The following ADCY2 variants were observed in gnomAD, a reference collection of about 807,000 sequenced individuals.
The protein encoded by ADCY2 is adenylate cyclase 2.
Under a neutral mutation model 125.2 loss-of-function variants are expected in ADCY2, and 31 were observed. The ratio of observed to expected loss-of-function variants is 0.25; its 90% confidence interval spans 0.19 to 0.33. The LOEUF is 0.33. ADCY2 is among the 10% of genes least tolerant of loss of function. The probability of loss-of-function intolerance (pLI) is 1.00; values close to 1 mark genes in which losing one functional copy is unlikely to be tolerated. For missense variants in ADCY2, 904 were observed against 1,418.2 expected, an observed-to-expected ratio of 0.64 and a Z score of 5.82; for synonymous variants, 512 against 548.4, an observed-to-expected ratio of 0.93 and a Z score of 0.93.
At chr5:7,716,450 G>A (rs528296614) in intron 11 of ADCY2, among the ~76,000 whole-genome samples, 140 of 152,250 alleles carry the variant, frequency 9.2e-4, no homozygotes, top group Non-Finnish European at 1.6e-3. Context: ...ACATCTCCTA[G>A]GAGAGAAAGT....
At chr5:7,483,081 A>G (rs1435324574) in intron 2 of ADCY2, among the ~76,000 whole-genome samples, 1 of 152,084 alleles carries the variant, frequency 6.6e-6, no homozygotes, top group Admixed American at 6.6e-5. Context: ...GATACAAGGA[A>G]TAAGCTCTAG....
intron 7 of ADCY2, among the ~76,000 whole-genome samples, chr5:7,702,375 C>A (rs1033070170): frequency 5.9e-5 from 9 of 152,016 alleles, no homozygotes; most frequent in Non-Finnish European, 1.2e-4. Context: ...GTATCCCTCC[C>A]CGCTCCTCCC....
chr5:7,796,286 C>T (rs921213928), intron 20 of ADCY2: 6 of 152,174 alleles, frequency 3.9e-5, no homozygotes, highest in Admixed American at 3.9e-4. Context: ...CCATTCCTCT[C>T]TGTGGCACAA....
chr5:7,511,940 GC>G (rs764863794), intron 2 of ADCY2, among the ~76,000 whole-genome samples: 4 of 151,928 alleles, frequency 2.6e-5, no homozygotes, highest in Non-Finnish European at 4.4e-5. Flanking sequence ...CATTGGAGGG[GC>G]CAGACGCTGT....
intron 2 of ADCY2, among the ~76,000 whole-genome samples, chr5:7,428,967 G>T (rs1436006155): frequency 1.3e-5 from 2 of 152,076 alleles, no homozygotes; most frequent in African/African-American, 4.8e-5. Flanking sequence ...AGACAAAGGT[G>T]CTGAAATTCT....
chr5:7,539,692 A>G (rs1018704346), intron 3 of ADCY2, among the ~76,000 whole-genome samples: 4 of 152,222 alleles, frequency 2.6e-5, no homozygotes, highest in Non-Finnish European at 4.4e-5. Context: ...AGAGTCAGAA[A>G]GGAGACATTT....
At chr5:7,603,104 G>T (rs781765842) in intron 3 of ADCY2, among the ~76,000 whole-genome samples, 1 of 152,098 alleles carries the variant, frequency 6.6e-6, no homozygotes, top group Non-Finnish European at 1.5e-5. Context: ...AGTGTCCCAC[G>T]AACAGTATCT....
Position 7,727,167 on chromosome 5 carries a change from C to G in ADCY2, c.1777C>G (p.Arg593Gly). Reference sequence around the variant, plus strand: ...CAGGTTCCTTTCTCCCCCTCAGTACCGGGCCACGGCACTGCCAGCGTTCAA... The same window carrying G: ...CAGGTTCCTTTCTCCCCCTCAGTACGGGGCCACGGCACTGCCAGCGTTCAA... ...FYNKVLEKEY[R>G]ATALPAFKYY... The change falls in exon 14 of 25, where the codon CGG (arginine) becomes GGG (glycine). Residue 593 changes from arginine to glycine, a missense_variant. Transcript: ENST00000338316. The G allele has an allele frequency of 6.2e-7, 1 of 1,613,272 alleles. No individual in the cohort carries two copies. Among genetic ancestry groups the G allele is most frequent in the Non-Finnish European group, 8.5e-7 (1 of 1,179,498 alleles).
chr5:7,733,712 G>C (rs537191274), intron 14 of ADCY2, among the ~76,000 whole-genome samples: 15 of 152,116 alleles, frequency 9.9e-5, no homozygotes, highest in Non-Finnish European at 1.9e-4. Flanking sequence ...TCCAAGAGAT[G>C]GGATAAGCTC....
chr5:7,616,574 A>G (rs1690627024), intron 3 of ADCY2, among the ~76,000 whole-genome samples: 1 of 152,230 alleles, frequency 6.6e-6, no homozygotes, highest in Admixed American at 6.5e-5. Context: ...AGGGTATTTA[A>G]TGAATATCCC....
chr5:7,773,182 AGTTAGCGAT>A (rs1743609671), intron 18 of ADCY2, 81 bp downstream of exon 18: 1 of 1,382,098 alleles, frequency 7.2e-7, no homozygotes, highest in Non-Finnish European at 9.9e-7. Flanking sequence ...AGTAAATGCA[AGTTAGCGAT>A]GTCATTGTCA....
intron 4 of ADCY2, among the ~76,000 whole-genome samples, chr5:7,689,805 T>C (rs1740648403): frequency 1.3e-5 from 2 of 152,188 alleles, no homozygotes; most frequent in Non-Finnish European, 1.5e-5. Context: ...TTTATCAACA[T>C]TGAATATCAG....
intron 7 of ADCY2, among the ~76,000 whole-genome samples, chr5:7,704,849 A>G (rs962761562): frequency 3.4e-4 from 52 of 151,344 alleles, no homozygotes; most frequent in African/African-American, 1.0e-3. Context: ...CTGCACTCCA[A>G]CCTGGGTGAC....
intron 4 of ADCY2, among the ~76,000 whole-genome samples, chr5:7,663,553 TG>T (rs1307090947): frequency 5.3e-5 from 8 of 152,200 alleles, no homozygotes; most frequent in African/African-American, 1.9e-4. Context: ...GGGAATCTCA[TG>T]TTGGAGGAAA....
chr5:7,528,558 A>G (rs1463510202), intron 3 of ADCY2, among the ~76,000 whole-genome samples: 1 of 152,238 alleles, frequency 6.6e-6, no homozygotes, highest in African/African-American at 2.4e-5. Context: ...ATAAAAAAGA[A>G]GAATTTATTT....
intron 4 of ADCY2, among the ~76,000 whole-genome samples, chr5:7,659,890 C>A (rs537102120): frequency 2.1e-4 from 32 of 152,268 alleles, no homozygotes; most frequent in African/African-American, 7.0e-4. Flanking sequence ...ACCAGATGAC[C>A]TGTGTAAACA....
At chr5:7,805,775 T>C (rs1455615400) in intron 22 of ADCY2, among the ~76,000 whole-genome samples, 1 of 152,008 alleles carries the variant, frequency 6.6e-6, no homozygotes, top group Non-Finnish European at 1.5e-5. Flanking sequence ...CATGAGAGGG[T>C]CCTAGTTTCC....
chr5:7,680,917 G>T (rs1020445170), intron 4 of ADCY2, among the ~76,000 whole-genome samples: 1 of 152,182 alleles, frequency 6.6e-6, no homozygotes, highest in Non-Finnish European at 1.5e-5. Flanking sequence ...TTACTAAAAT[G>T]CATTTTCTAA....
chr5:7,722,310 A>C (rs1276737636), intron 12 of ADCY2, among the ~76,000 whole-genome samples: 1 of 152,140 alleles, frequency 6.6e-6, no homozygotes, highest in Admixed American at 6.5e-5. Context: ...CTAGTAAAGG[A>C]GGTGCTGGTT....
Sources: allele counts gnomAD v4.1 joint callset (sites outside exome capture counted in the v4.1 genomes callset), GRCh38; gene constraint gnomAD v4.1.1; transcripts MANE v1.5; gene names NCBI Gene and HGNC (gene_info 2026-07-23, HGNC 2026-07-21).